Variants in LRRTM3 observed in about 807,000 individuals in gnomAD.
LRRTM3 encodes the protein leucine-rich repeat transmembrane neuronal protein 3.
A neutral mutation model predicts 44.7 loss-of-function variants in LRRTM3; 24 were observed. The observed-to-expected ratio is 0.54, with a 90% CI of 0.39 to 0.76. The LOEUF (loss-of-function observed/expected upper bound fraction) is 0.76, where lower values mean the gene tolerates loss of function less well. LRRTM3 is among the 30% of genes least tolerant of loss of function. The probability of loss-of-function intolerance (pLI) is 0.00; values close to 1 mark genes in which losing one functional copy is unlikely to be tolerated. For synonymous variants in LRRTM3, 277 were observed against 278.7 expected (o/e 0.99, Z 0.06); for missense variants, 587 against 702.2 (o/e 0.84, Z 1.85).
At chr10:66,940,326 T>G (rs1006658361) in intron 2 of LRRTM3, among the ~76,000 whole-genome samples, 3 of 151,944 alleles carry the variant, frequency 2.0e-5, no homozygotes, top group African/African-American at 7.3e-5. Context: ...AGGCCTCATC[T>G]CTACAAAAAA....
At chr10:66,967,781 A>G (rs1849517211) in intron 2 of LRRTM3, among the ~76,000 whole-genome samples, 1 of 152,120 alleles carries the variant, frequency 6.6e-6, no homozygotes, top group South Asian at 2.1e-4. Flanking sequence ...GTAGATTTAA[A>G]TTATCATTAT....
intron 2 of LRRTM3, among the ~76,000 whole-genome samples, chr10:67,001,861 T>A (rs529051337): frequency 6.6e-6 from 1 of 152,298 alleles, no homozygotes; most frequent in East Asian, 1.9e-4. Flanking sequence ...TTTAGCCTTG[T>A]CATCATTACC....
intron 2 of LRRTM3, among the ~76,000 whole-genome samples, chr10:67,081,301 A>C (rs946626213): frequency 6.6e-6 from 1 of 152,228 alleles, no homozygotes; most frequent in African/African-American, 2.4e-5. Context: ...AGTGACAAGC[A>C]GTGAAATATG....
chr10:67,084,790 A>C (rs1440074672), intron 2 of LRRTM3, among the ~76,000 whole-genome samples: 1 of 152,000 alleles, frequency 6.6e-6, no homozygotes, highest in South Asian at 2.1e-4. Flanking sequence ...AAATCTGCCT[A>C]GACTACGTTT....
At chr10:67,056,407 A>G (rs1855434147) in intron 2 of LRRTM3, among the ~76,000 whole-genome samples, 1 of 152,082 alleles carries the variant, frequency 6.6e-6, no homozygotes, top group South Asian at 2.1e-4. Flanking sequence ...CGTACTACCC[A>G]TTTTTGCATC....
intron 2 of LRRTM3, among the ~76,000 whole-genome samples, chr10:66,950,028 T>A (rs1052882407): frequency 1.3e-5 from 2 of 152,196 alleles, no homozygotes; most frequent in African/African-American, 2.4e-5. Flanking sequence ...TGTTTCTCTA[T>A]GCAATTACTC....
At chr10:67,074,811 A>AATTC (rs1564873604) in intron 2 of LRRTM3, among the ~76,000 whole-genome samples, 2 of 147,108 alleles carry the variant, frequency 1.4e-5, no homozygotes, top group African/African-American at 5.3e-5. Flanking sequence ...AACATAACAT[A>AATTC]ATTTATTTAT....
At chr10:67,031,445 G>C (rs1012696613) in intron 2 of LRRTM3, among the ~76,000 whole-genome samples, 1 of 152,146 alleles carries the variant, frequency 6.6e-6, no homozygotes, top group Non-Finnish European at 1.5e-5. Flanking sequence ...TATCACTAAT[G>C]TATTGAATTA....
At chr10:67,089,690 T>A (rs1857510998) in intron 2 of LRRTM3, among the ~76,000 whole-genome samples, 1 of 150,474 alleles carries the variant, frequency 6.6e-6, no homozygotes, top group Non-Finnish European at 1.5e-5. Flanking sequence ...AATCAGCCAA[T>A]CAGAGTATAC....
intron 2 of LRRTM3, among the ~76,000 whole-genome samples, chr10:67,093,021 C>CT (rs1419004535): frequency 6.6e-6 from 1 of 151,908 alleles, no homozygotes; most frequent in Non-Finnish European, 1.5e-5. Flanking sequence ...AATTCATAGC[C>CT]TTAAGAAGAA....
At chr10:67,053,069 A>G (rs1855210909) in intron 2 of LRRTM3, among the ~76,000 whole-genome samples, 3 of 152,218 alleles carry the variant, frequency 2.0e-5, no homozygotes, top group Admixed American at 2.0e-4. Flanking sequence ...CTAGAGCTAT[A>G]CCATCCCCTA....
At chr10:67,013,561 C>T (rs145854719) in intron 2 of LRRTM3, among the ~76,000 whole-genome samples, 40 of 152,276 alleles carry the variant, frequency 2.6e-4, no homozygotes, top group Non-Finnish European at 4.4e-4. Flanking sequence ...TCGGCAAACA[C>T]AGTACTCCTA....
intron 2 of LRRTM3, among the ~76,000 whole-genome samples, chr10:66,961,623 T>C (rs1426258818): frequency 6.6e-6 from 1 of 152,144 alleles, no homozygotes; most frequent in African/African-American, 2.4e-5. Flanking sequence ...ACTACTGATA[T>C]AGACAAATCA....
intron 2 of LRRTM3, among the ~76,000 whole-genome samples, chr10:66,953,619 T>A (rs1371742939): frequency 2.0e-5 from 3 of 152,282 alleles, no homozygotes; most frequent in Admixed American, 2.0e-4. Context: ...AAAGATACAT[T>A]ACCTTATAAA....
chr10:67,013,491 C>T (rs1193091876), intron 2 of LRRTM3, among the ~76,000 whole-genome samples: 4 of 152,094 alleles, frequency 2.6e-5, no homozygotes, highest in African/African-American at 4.8e-5. Flanking sequence ...TTTCAAAGTC[C>T]ATTCACGTGC....
At chr10:66,976,743 C>G (rs151086898) in intron 2 of LRRTM3, among the ~76,000 whole-genome samples, 63 of 152,252 alleles carry the variant, frequency 4.1e-4, no homozygotes, top group African/African-American at 1.5e-3. Flanking sequence ...GTGCTGTTTT[C>G]TCATTATTCA....
chr10:67,058,642 T>C lies in LRRTM3; in HGVS notation c.1537-38945T>C, dbSNP rs183685048. ...CTGTGCGCAGAAGCCCAGAGAGCAC[T>C]TTCTACAAGTTTAGGGAACATGCTG... On this transcript the variant is annotated intron_variant, in intron 2 of 2. Transcript: ENST00000361320. 1.1e-4 allele frequency among the ~76,000 whole-genome samples: 17 copies of C among 151,886 alleles called. No homozygotes were observed. The East Asian group carries it at 3.3e-3, about 29-fold the overall frequency.
intron 2 of LRRTM3, among the ~76,000 whole-genome samples, chr10:66,942,050 G>A (rs543629599): frequency 6.6e-6 from 1 of 152,250 alleles, no homozygotes; most frequent in South Asian, 2.1e-4. Context: ...GCACGGCATG[G>A]TATCAGTTTC....
At chr10:66,935,742 A>G (rs934337507) in intron 2 of LRRTM3, among the ~76,000 whole-genome samples, 1 of 151,904 alleles carries the variant, frequency 6.6e-6, no homozygotes, top group African/African-American at 2.4e-5. Flanking sequence ...TTATCTAATG[A>G]TTTGATAAAA....
Sources: gnomAD v4.1 joint callset for allele counts (sites outside exome capture counted in the v4.1 genomes callset) on GRCh38, gnomAD v4.1.1 for gene constraint, MANE v1.5 for transcripts, NCBI Gene and HGNC (gene_info 2026-07-23, HGNC 2026-07-21) for gene names.